EIPR1: variants seen among roughly 807,000 people sequenced by gnomAD.
The protein encoded by EIPR1 is EARP and GARP complex-interacting protein 1.
In EIPR1, 25 loss-of-function variants were observed where a neutral mutation model predicts 48.1. That is an observed-to-expected ratio of 0.52 (90% CI 0.38 to 0.73). EIPR1 has a LOEUF of 0.73. Among genes scored for constraint, EIPR1 ranks in the 30% least tolerant of loss-of-function variants. EIPR1 has a pLI of 0.00. For missense variants in EIPR1, 415 were observed against 506.2 expected (o/e 0.82, Z 1.73); for synonymous variants, 204 against 201.9 (o/e 1.01, Z -0.09).
chr2:3,317,314 T>G (rs1669339634), intron 3 of EIPR1, among the ~76,000 whole-genome samples: 1 of 150,768 alleles, frequency 6.6e-6, no homozygotes, highest in Non-Finnish European at 1.5e-5. Context: ...CTGACCGAGC[T>G]GAGGGCCTAC....
intron 4 of EIPR1, among the ~76,000 whole-genome samples, chr2:3,225,485 A>G (rs558863538): frequency 1.3e-5 from 2 of 152,254 alleles, no homozygotes; most frequent in Admixed American, 6.5e-5. Context: ...GGCTCAAGCA[A>G]TGCTTCTGTC....
At chr2:3,217,748 C>T (rs1471632680) in intron 4 of EIPR1, among the ~76,000 whole-genome samples, 1 of 152,098 alleles carries the variant, frequency 6.6e-6, no homozygotes, top group East Asian at 1.9e-4. Flanking sequence ...CACAAAAAGG[C>T]TGCAACCAGC....
intron 3 of EIPR1, among the ~76,000 whole-genome samples, chr2:3,278,712 G>C (rs1469334281): frequency 1.3e-5 from 2 of 152,114 alleles, no homozygotes; most frequent in African/African-American, 2.4e-5. Flanking sequence ...AGCGAGGTCG[G>C]CCCACCTCCA....
At chr2:3,314,268 C>T (rs183834655) in intron 3 of EIPR1, among the ~76,000 whole-genome samples, 5 of 152,258 alleles carry the variant, frequency 3.3e-5, no homozygotes, top group Admixed American at 6.5e-5. Context: ...AGATTGATTC[C>T]GGCTGCCGCT....
intron 4 of EIPR1, among the ~76,000 whole-genome samples, chr2:3,239,443 C>T (rs1415927239): frequency 1.3e-5 from 2 of 152,214 alleles, no homozygotes; most frequent in Non-Finnish European, 2.9e-5. Flanking sequence ...GACGCTTAGA[C>T]ACAGGAAGGA....
intron 3 of EIPR1, chr2:3,274,452 C>A (rs1312914374): frequency 1.3e-6 from 2 of 1,542,326 alleles, no homozygotes; most frequent in Non-Finnish European, 1.7e-6. Flanking sequence ...ACTGTTCAGT[C>A]AGCTAAATAC....
In EIPR1 at chr2:3,373,334, C is replaced by T. The variant is rs1215828321; in HGVS notation, c.42+4314G>A. 5.3e-5 allele frequency among the ~76,000 whole-genome samples: 8 copies of T among 151,870 alleles called. No individual in the cohort carries two copies. In the East Asian group the frequency reaches 1.5e-3, roughly 29 times the overall value. Reference sequence around the variant, plus strand: ...GAAAACTGGCACAAGACAGGGATGCCCTCTCTCACCACTCCTATTCAACAT... The same window carrying T: ...GAAAACTGGCACAAGACAGGGATGCTCTCTCTCACCACTCCTATTCAACAT... On this transcript the variant is annotated intron_variant, in intron 1 of 8. Coordinates refer to ENST00000382125, the MANE Select transcript of EIPR1 (RefSeq NM_003310.5).
chr2:3,189,190 T>C lies in EIPR1; in HGVS notation c.*144A>G. 1.2e-6 allele frequency: 1 copy of C among 865,210 alleles called. No individual in the cohort carries two copies. Among genetic ancestry groups the C allele is most frequent in the East Asian group, 2.9e-5 (1 of 34,618 alleles). 53.6% of individuals were successfully genotyped at this position (865,210 alleles called of 1,614,324 possible). A position where few individuals can be genotyped will look rare whatever the true frequency, so the allele number is the denominator to read the frequency against. ...TAGCCCCATTCACCCCATTCATAAATGCTGCTGCTACAGGAAGGGAACAGC... is the reference window on the plus strand; with the variant it reads ...TAGCCCCATTCACCCCATTCATAAACGCTGCTGCTACAGGAAGGGAACAGC... On this transcript the variant is annotated 3_prime_UTR_variant, in exon 9 of 9. Coordinates refer to ENST00000382125, the MANE Select transcript of EIPR1 (RefSeq NM_003310.5). The surrounding 1 kb of genome is among the most constrained non-coding windows in gnomAD (Gnocchi z 4.6).
At chr2:3,305,597 G>A (rs191438097) in intron 3 of EIPR1, among the ~76,000 whole-genome samples, 187 of 152,278 alleles carry the variant, frequency 1.2e-3, no homozygotes, top group African/African-American at 4.4e-3. Flanking sequence ...ATTGAGTAAC[G>A]GACTGGGGCC....
intron 3 of EIPR1, among the ~76,000 whole-genome samples, chr2:3,316,982 GAGCATGGAGACCCAGGAGCACATGA>G (rs1210077002): frequency 6.6e-6 from 1 of 152,228 alleles, no homozygotes; most frequent in Non-Finnish European, 1.5e-5. Context: ...ACATGGGGTG[GAGCATGGAGACCCAGGAGCACATGA>G]AGCACTGACC....
intron 3 of EIPR1, among the ~76,000 whole-genome samples, chr2:3,282,003 A>T (rs1668027759): frequency 6.6e-6 from 1 of 152,238 alleles, no homozygotes; most frequent in Non-Finnish European, 1.5e-5. Flanking sequence ...GGATGCTTTA[A>T]AAGGGGCACT....
intron 3 of EIPR1, among the ~76,000 whole-genome samples, chr2:3,308,042 C>T (rs1669000746): frequency 6.6e-6 from 1 of 152,156 alleles, no homozygotes; most frequent in Non-Finnish European, 1.5e-5. Context: ...CCACACCAGC[C>T]CCAGGAAGAA....
chr2:3,309,575 A>G (rs1669059018), intron 3 of EIPR1, among the ~76,000 whole-genome samples: 1 of 152,134 alleles, frequency 6.6e-6, no homozygotes, highest in Non-Finnish European at 1.5e-5. Flanking sequence ...GCACATAAAC[A>G]CACAACCCAG....
intron 5 of EIPR1, among the ~76,000 whole-genome samples, chr2:3,205,637 C>A (rs1665204198): frequency 6.6e-6 from 1 of 152,210 alleles, no homozygotes; most frequent in African/African-American, 2.4e-5. Flanking sequence ...ACCTCTAGTG[C>A]CCATTTGAGA....
At chr2:3,238,589 G>A (rs1343269639) in intron 4 of EIPR1, among the ~76,000 whole-genome samples, 2 of 152,240 alleles carry the variant, frequency 1.3e-5, no homozygotes, top group East Asian at 3.8e-4. Context: ...TCTCCCCACT[G>A]TCAGGAGAAT....
chr2:3,294,913 G>A (rs1472490005), intron 3 of EIPR1, among the ~76,000 whole-genome samples: 5 of 67,506 alleles, frequency 7.4e-5, no homozygotes, highest in East Asian at 6.5e-4. Flanking sequence ...TTCTCTCCCT[G>A]CACACACACC....
intron 2 of EIPR1, chr2:3,353,068 T>C (rs1470392724): frequency 5.4e-6 from 2 of 372,936 alleles, no homozygotes; most frequent in Non-Finnish European, 1.1e-5. Flanking sequence ...ACCATATTCA[T>C]ATAACTTTCA....
intron 4 of EIPR1, among the ~76,000 whole-genome samples, chr2:3,236,594 G>A (rs970514239): frequency 6.6e-6 from 1 of 152,220 alleles, no homozygotes; most frequent in South Asian, 2.1e-4. Flanking sequence ...GGCAGGCCAG[G>A]TACCATTTCA....
intron 5 of EIPR1, among the ~76,000 whole-genome samples, chr2:3,200,753 G>T (rs370201804): frequency 6.6e-6 from 1 of 152,110 alleles, no homozygotes; most frequent in Admixed American, 6.5e-5. Context: ...CAAGGCATCC[G>T]CGGTGAGTCT....
Sources: gnomAD v4.1 joint callset for allele counts (sites outside exome capture counted in the v4.1 genomes callset) on GRCh38, gnomAD v4.1.1 for gene constraint, Gnocchi (gnomAD v3.1) non-coding constraint, MANE v1.5 for transcripts, NCBI Gene and HGNC (gene_info 2026-07-23, HGNC 2026-07-21) for gene names.